Variants in LTV1 observed in about 807,000 individuals in gnomAD.
The protein encoded by LTV1 is protein LTV1 homolog.
Under a neutral mutation model 59.9 loss-of-function variants are expected in LTV1, and 39 were observed. The ratio of observed to expected loss-of-function variants is 0.65; its 90% CI spans 0.50 to 0.85. The LOEUF (loss-of-function observed/expected upper bound fraction) is 0.85, where lower values mean the gene tolerates loss of function less well. LTV1 is among the 40% of genes least tolerant of loss of function. The pLI is 0.00. For synonymous variants in LTV1, 171 were observed against 189.5 expected (o/e 0.90, Z 0.80); for missense variants, 493 against 549.1 (o/e 0.90, Z 1.02).
Position 143,857,040 on chromosome 6 carries a change from C to A in LTV1, c.398-263C>A, listed in dbSNP as rs1777087835. 6.6e-6 allele frequency among the ~76,000 whole-genome samples: 1 copy of A among 152,190 alleles called. No homozygotes were observed. Among genetic ancestry groups the A allele is most frequent in the Non-Finnish European group, 1.5e-5 (1 of 68,022 alleles). ...CTGCTGAAGCTGTGCCCACAGCCGC[C>A]CCTTCCCCCAGGTGCTCTGTCCCAG... On this transcript the variant is annotated intron_variant, in intron 4 of 10. Coordinates refer to ENST00000367576, the MANE Select transcript of LTV1 (RefSeq NM_032860.5). This position sits in a 1 kb window ranked among gnomAD's most constrained non-coding sequence, Gnocchi z 5.2.
At chr6:143,844,694 A>G (rs1776861674) in intron 2 of LTV1, 77 bp downstream of exon 2, 2 of 1,462,488 alleles carry the variant, frequency 1.4e-6, no homozygotes, top group Non-Finnish European at 1.8e-6. Context: ...TTAAATAAAT[A>G]GAGTCTTAGC....
chr6:143,854,261 T>C (rs1777038631), intron 4 of LTV1, among the ~76,000 whole-genome samples: 1 of 152,236 alleles, frequency 6.6e-6, no homozygotes, highest in Non-Finnish European at 1.5e-5. Context: ...TATTCTCTGA[T>C]GGTAATTTGT....
intron 6 of LTV1, chr6:143,858,350 A>C (rs753419640): frequency 4.7e-5 from 11 of 234,964 alleles, no homozygotes; most frequent in African/African-American, 1.1e-4. Flanking sequence ...TAGCTGTAAT[A>C]GTTTTATTCT....
In LTV1 at chr6:143,849,086, A is replaced by T. The variant is rs568640147; in HGVS notation, c.310-1045A>T. ...CCTGTCAGAAACTCAAGAAGGTCAC[A>T]TGAAAAACTATTAAAGGAGCTTAAT... On this transcript the variant is annotated intron_variant, in intron 3 of 10. Transcript: ENST00000367576. Among the ~76,000 whole-genome samples, 9 of 152,342 alleles carry T rather than the reference A, an allele frequency of 5.9e-5. No individual in the cohort carries two copies. The East Asian group carries it at 1.7e-3, about 29-fold the overall frequency.
Position 143,857,335 on chromosome 6 carries a change from G to T in LTV1, c.430G>T (p.Ala144Ser). 1 of 1,613,724 alleles carries T rather than the reference G, an allele frequency of 6.2e-7. No homozygotes were observed. The highest frequency in any genetic ancestry group is 1.3e-5 in the African/African-American group (1 of 74,988). Residue 144 changes from alanine (A) to serine (S), a missense_variant, in exon 5 of 11, where the codon GCA (alanine) becomes TCA (serine). By Grantham distance (99) the Ala-to-Ser change is moderately conservative. Transcript: ENST00000367576. The surrounding 1 kb of genome is among the most constrained non-coding windows in gnomAD (Gnocchi z 5.2). ...PRLDFDPDIV[A>S]ALDDDFDFDD... Reference sequence around the variant, plus strand: ...ACTGGATTTTGATCCTGACATTGTTGCAGCTCTTGATGATGATTTTGACTT... The same window carrying T: ...ACTGGATTTTGATCCTGACATTGTTTCAGCTCTTGATGATGATTTTGACTT...
In LTV1 at chr6:143,863,199, T is replaced by TCATAAAG. The variant is rs763164423; in HGVS notation, c.1231_1232insATAAAGC (p.Pro411HisfsTer4). The TCATAAAG allele has an allele frequency of 2.5e-6, 4 of 1,614,026 alleles. No homozygotes were observed. The highest frequency in any genetic ancestry group is 3.4e-6 in the Non-Finnish European group (4 of 1,179,958). ...TACAGATGATTAATGGCAGTGATCT[T>TCATAAAG]CCTAAAGTATCAACTCAGCCACGTT... On this transcript the variant is annotated frameshift_variant, in exon 10 of 11. Transcript: ENST00000367576. LOFTEE classifies it high-confidence loss of function. The surrounding 1 kb of genome is among the most constrained non-coding windows in gnomAD (Gnocchi z 4.5).
intron 1 of LTV1, among the ~76,000 whole-genome samples, chr6:143,844,249 C>T (rs1289336534): frequency 1.3e-5 from 2 of 152,214 alleles, no homozygotes; most frequent in East Asian, 1.9e-4. Flanking sequence ...TTTCCCACTT[C>T]TGTATTCTCA....
intron 1 of LTV1, 119 bp downstream of exon 1, chr6:143,843,599 G>A: frequency 7.5e-7 from 1 of 1,339,890 alleles, no homozygotes; most frequent in Non-Finnish European, 1.0e-6. Flanking sequence ...GGCTGCTTGC[G>A]GCACGGTACC....
At position 143,860,554 on chromosome 6, in the gene LTV1, G is replaced by A. The variant is rs1211440215; in HGVS notation, c.923+1G>A. 3.7e-6 allele frequency: 6 copies of A among 1,601,250 alleles called. No individual in the cohort carries two copies. Among genetic ancestry groups the A allele is most frequent in the Non-Finnish European group, 5.1e-6 (6 of 1,175,778 alleles). The stretch of plus-strand genomic sequence containing the variant: ...ACTACTATAAAGAGAAGGCAGAGAA[G>A]TATAGTGACTTTTCCTTCCTTGTTT... On this transcript the variant is annotated splice_donor_variant, in intron 7 of 10. Transcript: ENST00000367576. LOFTEE classifies it high-confidence loss of function.
At position 143,844,587 on chromosome 6, in the gene LTV1, A is replaced by C. The variant is rs1582932252; in HGVS notation, c.105A>C (p.Ala35=). 1 of 1,613,578 alleles carries C rather than the reference A, an allele frequency of 6.2e-7. No individual in the cohort carries two copies. The highest frequency in any genetic ancestry group is 1.7e-5 in the Admixed American group (1 of 59,944). Residue 35 remains alanine, a synonymous_variant, in exon 2 of 11, where the codon GCA becomes GCC. Coordinates refer to ENST00000367576, the MANE Select transcript of LTV1 (RefSeq NM_032860.5). The part of the protein sequence containing the change: ...QRDPLAADES[A]PQRVLLPTQK... ...ATCCTTTAGCAGCAGATGAGAGTGC[A>C]CCCCAGAGGGTTCTATTGCCCACAC...
chr6:143,847,145 C>T (rs1309331021), intron 3 of LTV1, among the ~76,000 whole-genome samples: 1 of 152,182 alleles, frequency 6.6e-6, no homozygotes, highest in African/African-American at 2.4e-5. Context: ...TGTAACGCCC[C>T]AAATCCCACC....
rs1245040570 is a variant in LTV1 at position 143,845,683 on chromosome 6, GGTCTT to G, written c.136-367_136-363del. Among the ~76,000 whole-genome samples, 5 of 152,258 alleles carry G rather than the reference GGTCTT, an allele frequency of 3.3e-5. No homozygotes were observed. The South Asian group carries it at 1.0e-3, about 32-fold the overall frequency. On this transcript the variant is annotated intron_variant, in intron 2 of 10. Transcript: ENST00000367576. The stretch of plus-strand genomic sequence containing the variant: ...ATGAGCCACTGCACCTGGCCCCCCA[GGTCTT>G]TTCTTATAACCCTCCAAATAGATGA...
At chr6:143,850,036 T>C (rs1776956170) in intron 3 of LTV1, 95 bp from the exon 4 acceptor site, 4 of 886,384 alleles carry the variant, frequency 4.5e-6, no homozygotes, top group Admixed American at 2.0e-5. Flanking sequence ...TCTAAGGTTC[T>C]GGATGGACAT....
At chr6:143,858,088 G>A (rs1187663448) in intron 6 of LTV1, 81 bp downstream of exon 6, 1 of 1,320,848 alleles carries the variant, frequency 7.6e-7, no homozygotes, top group African/African-American at 1.5e-5. Context: ...TTTAGCCCAG[G>A]TTGAAGTGCT....
chr6:143,857,627 C>T lies in LTV1; in HGVS notation c.540-125C>T. 1 of 1,160,534 alleles carries T rather than the reference C, an allele frequency of 8.6e-7. No homozygotes were observed. The highest frequency in any genetic ancestry group is 1.2e-6 in the Non-Finnish European group (1 of 800,274). 71.9% of individuals were successfully genotyped at this position (1,160,534 alleles called of 1,614,324 possible). ...CCTACCAAACCAGATTGATCAAACA[C>T]CCTCACTCTTCCTGCCTAGACAAGA... On this transcript the variant is annotated intron_variant, in intron 5 of 10. Coordinates refer to ENST00000367576, the MANE Select transcript of LTV1 (RefSeq NM_032860.5). The surrounding 1 kb of genome is among the most constrained non-coding windows in gnomAD (Gnocchi z 5.2).
chr6:143,857,160 C>T lies in LTV1; in HGVS notation c.398-143C>T. The T allele has an allele frequency of 1.0e-6, 1 of 987,542 alleles. No homozygotes were observed. 61.2% of individuals were successfully genotyped at this position (987,542 alleles called of 1,614,324 possible). On this transcript the variant is annotated intron_variant, in intron 4 of 10. Transcript: ENST00000367576. The surrounding 1 kb of genome is among the most constrained non-coding windows in gnomAD (Gnocchi z 5.2). ...TGGAGTGTTCATTCTTTATTCTTCA[C>T]TAGACTGAACTTAGTTCTTAATCGT...
In LTV1 at chr6:143,846,937, G is replaced by A. The variant is rs541012597; in HGVS notation, c.309+713G>A. Among the ~76,000 whole-genome samples, 14 of 152,298 alleles carry A rather than the reference G, an allele frequency of 9.2e-5. No homozygotes were observed. The South Asian group carries it at 2.5e-3, about 27-fold the overall frequency. On this transcript the variant is annotated intron_variant, in intron 3 of 10. Coordinates refer to ENST00000367576, the MANE Select transcript of LTV1 (RefSeq NM_032860.5). ...AAGCAAAAGGTAAGAGATAGAAAGG[G>A]CACCAGTTTACCCTGCTCCTCATTC...
intron 4 of LTV1, among the ~76,000 whole-genome samples, chr6:143,851,407 C>A (rs566529066): frequency 1.4e-5 from 2 of 140,450 alleles, no homozygotes; most frequent in East Asian, 4.8e-4. Flanking sequence ...GAAAGTATAA[C>A]AGTCTAAAAA....
chr6:143,843,446 C>T lies in LTV1; in HGVS notation c.-32C>T. On this transcript the variant is annotated 5_prime_UTR_variant, in exon 1 of 11. Transcript: ENST00000367576. ...GGACTTCGAGGGTGTCATCGCCGCC[C>T]CTGTTGGGGGTGAGCGCCGCGCGGC... 1 of 1,612,912 alleles carries T rather than the reference C, an allele frequency of 6.2e-7. No homozygotes were observed. The highest frequency in any genetic ancestry group is 8.5e-7 in the Non-Finnish European group (1 of 1,179,956).
Sources: allele counts gnomAD v4.1 joint callset (sites outside exome capture counted in the v4.1 genomes callset), GRCh38; gene constraint gnomAD v4.1.1; non-coding constraint Gnocchi (gnomAD v3.1); transcripts MANE v1.5; gene names NCBI Gene and HGNC (gene_info 2026-07-23, HGNC 2026-07-21).